Variants in NBEA observed in about 807,000 individuals in gnomAD.
NBEA encodes the protein neurobeachin.
Under a neutral mutation model 343.4 loss-of-function variants are expected in NBEA, and 44 were observed. That is an observed-to-expected ratio of 0.13 (90% confidence interval 0.10 to 0.16). NBEA has a LOEUF of 0.16. Ranked by LOEUF, NBEA falls within the 10% of genes least tolerant of loss-of-function variation. The pLI is 1.00. For synonymous variants in NBEA, 1,175 were observed against 1,238.7 expected, an observed-to-expected ratio of 0.95 and a Z score of 1.08; for missense variants, 2,555 against 3,631.3, an observed-to-expected ratio of 0.70 and a Z score of 7.62.
At chr13:35,226,385 G>A (rs1043357061) in intron 33 of NBEA, among the ~76,000 whole-genome samples, 1 of 152,038 alleles carries the variant, frequency 6.6e-6, no homozygotes, top group African/African-American at 2.4e-5. Context: ...AACTCTCCAG[G>A]GAAAGAATGT....
chr13:35,424,911 T>G (rs1305314988), intron 38 of NBEA, among the ~76,000 whole-genome samples: 1 of 152,180 alleles, frequency 6.6e-6, no homozygotes, highest in African/African-American at 2.4e-5. Context: ...TTATCCATTT[T>G]CTAGATTTTC....
At chr13:35,643,131 G>T (rs1175908796) in intron 49 of NBEA, among the ~76,000 whole-genome samples, 1 of 151,344 alleles carries the variant, frequency 6.6e-6, no homozygotes, top group East Asian at 1.9e-4. Flanking sequence ...ATTTTTAAGG[G>T]AAAATTTCTA....
intron 47 of NBEA, among the ~76,000 whole-genome samples, chr13:35,604,280 T>A (rs114306186): frequency 6.6e-6 from 1 of 152,240 alleles, no homozygotes; most frequent in Non-Finnish European, 1.5e-5. Flanking sequence ...CCCGTTCATA[T>A]TGGAGTCATT....
intron 38 of NBEA, among the ~76,000 whole-genome samples, chr13:35,416,106 G>A (rs924597290): frequency 1.3e-5 from 2 of 152,140 alleles, no homozygotes; most frequent in Non-Finnish European, 2.9e-5. Flanking sequence ...CTTTGCTGAA[G>A]TTGCTTATCA....
chr13:35,178,240 T>C (rs541414110), intron 28 of NBEA, among the ~76,000 whole-genome samples: 1 of 151,862 alleles, frequency 6.6e-6, no homozygotes, highest in Admixed American at 6.6e-5. Flanking sequence ...TCTTTGCCAA[T>C]ATGGTTAAAA....
At chr13:35,436,604 G>T (rs2045453903) in intron 39 of NBEA, among the ~76,000 whole-genome samples, 1 of 151,948 alleles carries the variant, frequency 6.6e-6, no homozygotes, top group Non-Finnish European at 1.5e-5. Flanking sequence ...CAGCTACTCG[G>T]GAGGCTGAGG....
intron 1 of NBEA, among the ~76,000 whole-genome samples, chr13:34,949,790 G>T (rs549659421): frequency 6.6e-6 from 1 of 152,004 alleles, no homozygotes; most frequent in African/African-American, 2.4e-5. Context: ...GTACCACCAA[G>T]AAGAATATTG....
At chr13:35,454,754 G>A (rs1236365542) in intron 40 of NBEA, among the ~76,000 whole-genome samples, 1 of 152,104 alleles carries the variant, frequency 6.6e-6, no homozygotes, top group Non-Finnish European at 1.5e-5. Context: ...CAGCTACTCG[G>A]GAGGCTGAGG....
At chr13:35,580,990 G>T (rs1271882485) in intron 45 of NBEA, among the ~76,000 whole-genome samples, 3 of 152,154 alleles carry the variant, frequency 2.0e-5, no homozygotes, top group Non-Finnish European at 2.9e-5. Context: ...TTTAAAGAAT[G>T]TTTTGTGAGA....
intron 46 of NBEA, among the ~76,000 whole-genome samples, chr13:35,587,431 G>C (rs1160192431): frequency 6.6e-6 from 1 of 152,056 alleles, no homozygotes; most frequent in Non-Finnish European, 1.5e-5. Flanking sequence ...TACCACCTCA[G>C]GTCCCGTCAA....
intron 36 of NBEA, among the ~76,000 whole-genome samples, chr13:35,334,103 T>C (rs1442013713): frequency 6.6e-6 from 1 of 152,040 alleles, no homozygotes; most frequent in Non-Finnish European, 1.5e-5. Flanking sequence ...TATTTTTAGT[T>C]TTTTGAGGAA....
chr13:35,082,082 A>G (rs1316980448), intron 10 of NBEA, among the ~76,000 whole-genome samples: 2 of 151,900 alleles, frequency 1.3e-5, no homozygotes, highest in Admixed American at 1.3e-4. Flanking sequence ...CCACCCCACA[A>G]CAGGCCCCAG....
At chr13:35,523,404 G>C (rs973093208) in intron 41 of NBEA, among the ~76,000 whole-genome samples, 15 of 152,200 alleles carry the variant, frequency 9.9e-5, no homozygotes, top group Admixed American at 2.0e-4. Flanking sequence ...AAGGAAAATA[G>C]AAGTTCAGTT....
intron 38 of NBEA, among the ~76,000 whole-genome samples, chr13:35,379,175 T>A (rs192586056): frequency 4.6e-5 from 7 of 152,292 alleles, no homozygotes; most frequent in Admixed American, 4.6e-4. Flanking sequence ...ACTTTACTGC[T>A]GAACAGTTTT....
At chr13:35,431,175 A>G (rs2045086819) in intron 38 of NBEA, among the ~76,000 whole-genome samples, 1 of 152,238 alleles carries the variant, frequency 6.6e-6, no homozygotes, top group East Asian at 1.9e-4. Context: ...TGTGGGCGAG[A>G]CATTGTGCTA....
chr13:35,105,019 G>T (rs192281156), intron 11 of NBEA, among the ~76,000 whole-genome samples: 61 of 151,892 alleles, frequency 4.0e-4, no homozygotes, highest in Admixed American at 3.9e-4. Flanking sequence ...TAATGCAAGG[G>T]TATTTAAAAA....
At chr13:35,018,990 T>C (rs7318593) in intron 1 of NBEA, among the ~76,000 whole-genome samples, 5,390 of 152,172 alleles carry the variant, frequency 0.035, 98 homozygotes, top group South Asian at 0.056. Context: ...TCTGTATCTT[T>C]TGACATCATC....
chr13:35,155,986 T>C, intron 19 of NBEA, 97 bp from the exon 20 acceptor site: 1 of 1,470,612 alleles, frequency 6.8e-7, no homozygotes, highest in Non-Finnish European at 9.3e-7. Flanking sequence ...AACTCACCTT[T>C]TATAGTGTTA....
Position 35,667,418 on chromosome 13 carries a change from G to T in NBEA, c.8509G>T (p.Ala2837Ser). The T allele has an allele frequency of 6.2e-7, 1 of 1,613,978 alleles. No individual in the cohort carries two copies. Among genetic ancestry groups the T allele is most frequent in the Non-Finnish European group, 8.5e-7 (1 of 1,179,888 alleles). The change falls in exon 57 of 59, where the codon GCC becomes TCC. Residue 2837 changes from alanine (A) to serine (S), a missense_variant. Around this residue, in one of 21 missense-constraint regions of NBEA, gnomAD observed 186 missense variants for 328.9 expected, o/e 0.57. Transcript: ENST00000379939. ...VHTITGDLLRALEGPENCLFP... is the reference protein window; with the variant it reads ...VHTITGDLLRSLEGPENCLFP... ...CACCATCACTGGAGATTTGCTGAGAGCCCTTGAAGGACCAGAAAACTGCTT... is the reference window on the plus strand; with the variant it reads ...CACCATCACTGGAGATTTGCTGAGATCCCTTGAAGGACCAGAAAACTGCTT...
Sources: allele counts gnomAD v4.1 joint callset (sites outside exome capture counted in the v4.1 genomes callset), GRCh38; gene constraint gnomAD v4.1.1; regional missense constraint gnomAD v4.1.1; transcripts MANE v1.5; gene names NCBI Gene and HGNC (gene_info 2026-07-23, HGNC 2026-07-21).